The following PDE4D variants were observed in gnomAD, a reference collection of about 807,000 sequenced individuals.
PDE4D encodes phosphodiesterase 4D.
In PDE4D, 24 loss-of-function variants were observed where a neutral mutation model predicts 87.4. The observed-to-expected ratio is 0.27, with a 90% CI of 0.20 to 0.39. The LOEUF (loss-of-function observed/expected upper bound fraction) is 0.39. Ranked by LOEUF, PDE4D falls within the 10% of genes least tolerant of loss-of-function variation. The probability of loss-of-function intolerance (pLI) is 1.00; values close to 1 mark genes in which losing one functional copy is unlikely to be tolerated. For synonymous variants in PDE4D, 384 were observed against 383.2 expected (o/e 1.00, Z -0.02); for missense variants, 714 against 1,041.0 (o/e 0.69, Z 4.32).
intron 1 of PDE4D, among the ~76,000 whole-genome samples, chr5:59,229,862 G>A (rs181178116): frequency 3.9e-5 from 6 of 152,254 alleles, no homozygotes; most frequent in Admixed American, 1.3e-4. Context: ...GCAATGGTGC[G>A]ATCTCGGCTC....
Position 59,615,150 on chromosome 5 carries a change from A to G in PDE4D, c.455+278018T>C, listed in dbSNP as rs77593325. Among the ~76,000 whole-genome samples, 1,334 of 152,234 alleles carry G rather than the reference A, an allele frequency of 8.8e-3. 24 individuals carry two copies. The highest frequency in any genetic ancestry group is 0.03 in the African/African-American group (1,265 of 41,546). ...TGGCTGGGATATTTTTATGTTGAAC[A>G]TTCCCATTCTAGCCATGCGCTTCTT... On this transcript the variant is annotated intron_variant, in intron 1 of 14. Coordinates refer to ENST00000340635, the MANE Select transcript of PDE4D (RefSeq NM_001104631.2).
At chr5:59,450,147 C>T (rs181407392) in intron 1 of PDE4D, among the ~76,000 whole-genome samples, 98 of 152,286 alleles carry the variant, frequency 6.4e-4, no homozygotes, top group Admixed American at 1.8e-3. Flanking sequence ...TAAATGATCG[C>T]CTTGTGCCAA....
intron 5 of PDE4D, among the ~76,000 whole-genome samples, chr5:59,084,371 AT>A (rs1378295557): frequency 6.6e-6 from 1 of 151,944 alleles, no homozygotes; most frequent in Non-Finnish European, 1.5e-5. Context: ...CTAGAAGAAA[AT>A]ATTGGTGTTG....
intron 1 of PDE4D, among the ~76,000 whole-genome samples, chr5:60,349,368 T>A (rs1363319402): frequency 1.3e-5 from 2 of 152,146 alleles, no homozygotes; most frequent in African/African-American, 4.8e-5. Flanking sequence ...ATCTTACAAT[T>A]ACAGACCCCC....
intron 1 of PDE4D, among the ~76,000 whole-genome samples, chr5:59,633,739 C>G (rs779993658): frequency 1.1e-4 from 16 of 152,082 alleles, no homozygotes; most frequent in Non-Finnish European, 1.8e-4. Context: ...CTGGAGGAAG[C>G]ACTAAATATG....
At chr5:60,396,800 T>C (rs909239354) in intron 1 of PDE4D, among the ~76,000 whole-genome samples, 9 of 152,168 alleles carry the variant, frequency 5.9e-5, no homozygotes, top group Admixed American at 1.3e-4. Context: ...GTTTCCTTAG[T>C]CTTAGGCTTG....
At chr5:60,053,803 A>G (rs1319785171) in intron 2 of PDE4D, among the ~76,000 whole-genome samples, 2 of 152,222 alleles carry the variant, frequency 1.3e-5, no homozygotes, top group Non-Finnish European at 2.9e-5. Flanking sequence ...AAGGTCTAAC[A>G]TCTAGAATCT....
At chr5:59,509,915 T>C (rs1809986913) in intron 1 of PDE4D, among the ~76,000 whole-genome samples, 1 of 147,440 alleles carries the variant, frequency 6.8e-6, no homozygotes, top group African/African-American at 2.4e-5. Context: ...TATAAACTTA[T>C]ATATAATTAT....
intron 1 of PDE4D, among the ~76,000 whole-genome samples, chr5:59,435,785 A>T (rs893875508): frequency 4.6e-5 from 7 of 152,214 alleles, no homozygotes; most frequent in Admixed American, 6.5e-5. Context: ...CTCCCTTCTC[A>T]GTTACTTTCC....
intron 6 of PDE4D, among the ~76,000 whole-genome samples, chr5:59,031,045 T>G (rs1757296026): frequency 6.6e-6 from 1 of 151,964 alleles, no homozygotes; most frequent in Non-Finnish European, 1.5e-5. Context: ...CTCTCCACCA[T>G]GTACAATGGC....
chr5:60,431,677 C>T (rs866715567), intron 1 of PDE4D, among the ~76,000 whole-genome samples: 47 of 152,270 alleles, frequency 3.1e-4, no homozygotes, highest in Middle Eastern at 3.4e-3. Flanking sequence ...GGGTGGCAGC[C>T]GGGCAGAGGC....
chr5:59,755,465 C>A, intron 1 of PDE4D, among the ~76,000 whole-genome samples: 1 of 152,000 alleles, frequency 6.6e-6, no homozygotes, highest in Admixed American at 6.6e-5. Context: ...CACAGTTGCA[C>A]CTAAAATTGT....
At chr5:60,150,088 A>G (rs1041489118) in intron 2 of PDE4D, among the ~76,000 whole-genome samples, 1 of 149,176 alleles carries the variant, frequency 6.7e-6, no homozygotes, top group Admixed American at 6.7e-5. Context: ...ATAGAATTAT[A>G]TATACTAGTA....
At position 59,407,057 on chromosome 5, in the gene PDE4D, T is replaced by G. The variant is rs147852396; in HGVS notation, c.456-191089A>C. Reference sequence around the variant, plus strand: ...GGACTTGTAGAGTCTTGGGGTTCATTATAGGGTGGTGTTCCTTGAATGTCC... The same window carrying G: ...GGACTTGTAGAGTCTTGGGGTTCATGATAGGGTGGTGTTCCTTGAATGTCC... On this transcript the variant is annotated intron_variant, in intron 1 of 14. Transcript: ENST00000340635. Among the ~76,000 whole-genome samples, 1,213 of 152,240 alleles carry G rather than the reference T, an allele frequency of 8.0e-3. 18 individuals are homozygous for G. The highest frequency in any genetic ancestry group is 0.028 in the African/African-American group (1,148 of 41,548).
At chr5:59,239,325 A>T (rs1257814780) in intron 1 of PDE4D, among the ~76,000 whole-genome samples, 2 of 152,140 alleles carry the variant, frequency 1.3e-5, no homozygotes, top group East Asian at 3.9e-4. Context: ...ACCACCTGTG[A>T]AATTCTCCTC....
At chr5:60,265,199 T>C (rs1367354265) in intron 1 of PDE4D, among the ~76,000 whole-genome samples, 1 of 152,080 alleles carries the variant, frequency 6.6e-6, no homozygotes, top group Non-Finnish European at 1.5e-5. Flanking sequence ...TCATATCTAC[T>C]CACAGCCCAG....
chr5:60,069,956 G>C (rs1342623906), intron 2 of PDE4D, among the ~76,000 whole-genome samples: 41 of 151,986 alleles, frequency 2.7e-4, no homozygotes, highest in Admixed American at 2.7e-3. Flanking sequence ...GATGGGCATT[G>C]TTTTCTTAAT....
intron 1 of PDE4D, among the ~76,000 whole-genome samples, chr5:59,686,804 T>C (rs1233054160): frequency 6.6e-6 from 1 of 152,158 alleles, no homozygotes; most frequent in Non-Finnish European, 1.5e-5. Context: ...TAAATGCTCT[T>C]AAGTGAGAAA....
At chr5:59,282,683 C>A (rs970705167) in intron 1 of PDE4D, among the ~76,000 whole-genome samples, 3 of 149,922 alleles carry the variant, frequency 2.0e-5, no homozygotes, top group Non-Finnish European at 4.4e-5. Context: ...TGAAAAGCAG[C>A]CTGTCAAAAA....
Sources: allele counts gnomAD v4.1 joint callset (sites outside exome capture counted in the v4.1 genomes callset), GRCh38; gene constraint gnomAD v4.1.1; transcripts MANE v1.5; gene names NCBI Gene and HGNC (gene_info 2026-07-23, HGNC 2026-07-21).